BBS9: variants seen among roughly 807,000 people sequenced by gnomAD.
BBS9 encodes protein PTHB1.
BBS9 carries 89 observed loss-of-function variants against 117.7 expected under a neutral mutation model. That is an observed-to-expected ratio of 0.76 (90% CI 0.64 to 0.90). The LOEUF (loss-of-function observed/expected upper bound fraction) is 0.90, where lower values mean the gene tolerates loss of function less well. Ranked by LOEUF, BBS9 falls within the 40% of genes least tolerant of loss-of-function variation. The probability of loss-of-function intolerance (pLI) is 0.00; values close to 1 mark genes in which losing one functional copy is unlikely to be tolerated. For synonymous variants in BBS9, 379 were observed against 370.9 expected, an observed-to-expected ratio of 1.02 and a Z score of -0.25; for missense variants, 982 against 1,042.2, an observed-to-expected ratio of 0.94 and a Z score of 0.80.
chr7:33,635,520 T>TGA (rs1015894857), exon 22 of BBS9, among the ~76,000 whole-genome samples: 1 of 152,228 alleles, frequency 6.6e-6, no homozygotes, highest in African/African-American at 2.4e-5. Flanking sequence ...TTCCAGTCTG[T>TGA]GAGCTACTCA....
rs139046425 is a variant in BBS9 at position 33,240,389 on chromosome 7, C to A, written c.443-16847C>A. On this transcript the variant is annotated intron_variant, in intron 5 of 22. Coordinates refer to ENST00000242067, the MANE Select transcript of BBS9 (RefSeq NM_198428.3). Reference sequence around the variant, plus strand: ...CCTCGCACCTTAGCTTCCTGAGTAGCTGGGACAACAGGCAGGCGCCACCAT... The same window carrying A: ...CCTCGCACCTTAGCTTCCTGAGTAGATGGGACAACAGGCAGGCGCCACCAT... Among the ~76,000 whole-genome samples, 8 of 151,850 alleles carry A rather than the reference C, an allele frequency of 5.3e-5. No individual in the cohort carries two copies. In the East Asian group the frequency reaches 1.6e-3, roughly 30 times the overall value.
chr7:33,297,412 C>A (rs1805493309), intron 9 of BBS9, among the ~76,000 whole-genome samples: 1 of 152,122 alleles, frequency 6.6e-6, no homozygotes, highest in Non-Finnish European at 1.5e-5. Flanking sequence ...GGAAGCATTT[C>A]TCTAAGAAAT....
At chr7:33,492,553 T>C (rs1844134824) in intron 19 of BBS9, among the ~76,000 whole-genome samples, 1 of 152,152 alleles carries the variant, frequency 6.6e-6, no homozygotes, top group African/African-American at 2.4e-5. Flanking sequence ...CAAACTCAAA[T>C]GACTAGAGGG....
intron 21 of BBS9, among the ~76,000 whole-genome samples, chr7:33,618,317 C>T (rs1029200936): frequency 2.0e-5 from 3 of 151,660 alleles, no homozygotes; most frequent in African/African-American, 7.3e-5. Context: ...TGCACTCCAG[C>T]CTGGGTGAAA....
chr7:33,569,775 A>G (rs1857492905), intron 21 of BBS9, among the ~76,000 whole-genome samples: 2 of 152,128 alleles, frequency 1.3e-5, no homozygotes, highest in African/African-American at 4.8e-5. Flanking sequence ...AAAATAAAAT[A>G]AAATAAAATA....
intron 21 of BBS9, among the ~76,000 whole-genome samples, chr7:33,597,872 CAA>C (rs61054119): frequency 2.3e-4 from 27 of 119,348 alleles, no homozygotes; most frequent in African/African-American, 3.7e-4. Flanking sequence ...GCATGTATAC[CAA>C]AAAAAAAAAA....
chr7:33,604,758 G>C (rs1167283611), intron 21 of BBS9, 107 bp from the exon 22 acceptor site: 16 of 814,632 alleles, frequency 2.0e-5, no homozygotes, highest in Non-Finnish European at 3.4e-5. Context: ...TTGTTGTCAC[G>C]TCATTTATTA....
At chr7:33,203,102 C>T (rs1378383477) in intron 5 of BBS9, among the ~76,000 whole-genome samples, 1 of 152,076 alleles carries the variant, frequency 6.6e-6, no homozygotes, top group East Asian at 1.9e-4. Context: ...TCTGTGGGCC[C>T]ACATCTTGGT....
chr7:33,260,038 C>A (rs899404794), intron 6 of BBS9, among the ~76,000 whole-genome samples: 1 of 145,268 alleles, frequency 6.9e-6, no homozygotes, highest in Admixed American at 7.0e-5. Context: ...CTTGCTCTGT[C>A]GCCCAGGCTG....
chr7:33,280,933 A>AT (rs1248372128), intron 9 of BBS9, among the ~76,000 whole-genome samples: 2 of 42,614 alleles, frequency 4.7e-5, no homozygotes, highest in South Asian at 8.0e-4. Flanking sequence ...TTTTTTTTGC[A>AT]TTATAGAAAG....
chr7:33,332,348 A>G (rs1158299536), intron 9 of BBS9, among the ~76,000 whole-genome samples: 1 of 152,114 alleles, frequency 6.6e-6, no homozygotes, highest in Non-Finnish European at 1.5e-5. Context: ...CATAACCAAA[A>G]GCCACCTGTA....
intron 9 of BBS9, among the ~76,000 whole-genome samples, chr7:33,322,656 G>C (rs978357586): frequency 6.6e-6 from 1 of 151,590 alleles, no homozygotes; most frequent in Non-Finnish European, 1.5e-5. Flanking sequence ...CGAAAGGTTT[G>C]TTCATTTTGT....
intron 17 of BBS9, among the ~76,000 whole-genome samples, chr7:33,370,741 C>G (rs976761634): frequency 3.9e-5 from 6 of 152,122 alleles, no homozygotes; most frequent in South Asian, 2.1e-4. Flanking sequence ...TGACTTATTA[C>G]CATATACAAC....
At chr7:33,405,886 G>A (rs1183238515) in intron 19 of BBS9, among the ~76,000 whole-genome samples, 1 of 152,068 alleles carries the variant, frequency 6.6e-6, no homozygotes, top group Non-Finnish European at 1.5e-5. Flanking sequence ...CCTTCTGCTA[G>A]CTTTTGAATG....
chr7:33,566,522 A>T (rs1856953377), intron 21 of BBS9, among the ~76,000 whole-genome samples: 1 of 152,114 alleles, frequency 6.6e-6, no homozygotes, highest in African/African-American at 2.4e-5. Context: ...CTTATAACTT[A>T]AAATTTAAAG....
Position 33,534,143 on chromosome 7 carries a change from G to T in BBS9, c.2488G>T (p.Asp830Tyr). ...AGGTGGCCGTCTCTGCCTAAGTACC[G>T]ATGCAGCAGCCCCACAGACCATGGT... ...SKGGRLCLST[D>Y]AAAPQTMVMP... Residue 830 changes from aspartate (D) to tyrosine (Y), a missense_variant, in exon 21 of 23, where the codon GAT becomes TAT. Asp to Tyr is a radical substitution (Grantham distance 160). Coordinates refer to ENST00000242067, the MANE Select transcript of BBS9 (RefSeq NM_198428.3). 1 of 1,614,158 alleles carries T rather than the reference G, an allele frequency of 6.2e-7. No homozygotes were observed. The highest frequency in any genetic ancestry group is 8.5e-7 in the Non-Finnish European group (1 of 1,180,040).
intron 12 of BBS9, chr7:33,346,168 G>T: frequency 2.3e-6 from 1 of 429,014 alleles, no homozygotes. Flanking sequence ...GATCCTGTCT[G>T]ACAGTTTCTA....
At chr7:33,351,143 C>A in intron 13 of BBS9, 76 bp from the exon 14 acceptor site, 1 of 937,640 alleles carries the variant, frequency 1.1e-6, no homozygotes, top group African/African-American at 1.6e-5. Context: ...GTGGTGAGTG[C>A]TTATTAAATT....
chr7:33,390,541 A>G (rs1208373244), intron 19 of BBS9: 3 of 964,992 alleles, frequency 3.1e-6, no homozygotes, highest in African/African-American at 3.5e-5. Flanking sequence ...CTTAATTTTT[A>G]TGTACCTTGC....
Sources: gnomAD v4.1 joint callset for allele counts (sites outside exome capture counted in the v4.1 genomes callset) on GRCh38, gnomAD v4.1.1 for gene constraint, MANE v1.5 for transcripts, NCBI Gene and HGNC (gene_info 2026-07-23, HGNC 2026-07-21) for gene names.